Variants in ATP10B observed in about 807,000 individuals in gnomAD.
ATP10B encodes phospholipid-transporting ATPase VB.
In ATP10B, 122 loss-of-function variants were observed where a neutral mutation model predicts 141.2. The ratio of observed to expected loss-of-function variants is 0.86; its 90% CI spans 0.75 to 1.00. The LOEUF (loss-of-function observed/expected upper bound fraction) is 1.00, where lower values mean the gene tolerates loss of function less well. ATP10B is among the 50% of genes least tolerant of loss of function. The pLI is 0.00. For missense variants in ATP10B, 1,876 were observed against 1,825.3 expected, an observed-to-expected ratio of 1.03 and a Z score of -0.51; for synonymous variants, 685 against 692.0, an observed-to-expected ratio of 0.99 and a Z score of 0.16.
chr5:160,630,091 C>A (rs1314828188), intron 13 of ATP10B, among the ~76,000 whole-genome samples: 1 of 152,188 alleles, frequency 6.6e-6, no homozygotes, highest in Non-Finnish European at 1.5e-5. Flanking sequence ...GTTCCACTAA[C>A]CCCAGATTTT....
chr5:160,716,347 T>G (rs942569676), intron 3 of ATP10B, among the ~76,000 whole-genome samples: 2 of 152,308 alleles, frequency 1.3e-5, no homozygotes, highest in Non-Finnish European at 1.5e-5. Flanking sequence ...CAATATTAAT[T>G]CATATAACTC....
chr5:160,602,490 G>C, intron 21 of ATP10B, 87 bp downstream of exon 21: 1 of 1,567,164 alleles, frequency 6.4e-7, no homozygotes, highest in South Asian at 1.1e-5. Context: ...TTTATGCTGA[G>C]GTGCTTTGCC....
chr5:160,708,867 T>C (rs779283242), intron 3 of ATP10B, among the ~76,000 whole-genome samples: 1 of 152,154 alleles, frequency 6.6e-6, no homozygotes. Flanking sequence ...AATTATCTCG[T>C]GGATTAAAGA....
intron 19 of ATP10B, among the ~76,000 whole-genome samples, chr5:160,605,719 T>C (rs1757346272): frequency 6.6e-6 from 1 of 152,238 alleles, no homozygotes; most frequent in Non-Finnish European, 1.5e-5. Flanking sequence ...TCTTATCCCA[T>C]GCCTGTGTAG....
intron 6 of ATP10B, among the ~76,000 whole-genome samples, chr5:160,676,366 A>G (rs1763030080): frequency 6.6e-6 from 1 of 152,146 alleles, no homozygotes; most frequent in Admixed American, 6.5e-5. Context: ...TTGCCTCCCA[A>G]ATGCTCATCC....
Position 160,851,607 on chromosome 5 carries a change from CAT to C in ATP10B, c.-576+332_-576+333del, listed in dbSNP as rs1417665943. 3.3e-5 allele frequency among the ~76,000 whole-genome samples: 5 copies of C among 152,262 alleles called. 1 individual carries two copies. The highest frequency in any genetic ancestry group is 1.2e-4 in the African/African-American group (5 of 41,552). The stretch of plus-strand genomic sequence containing the variant: ...TGCTTTGAGAAGAAGGCTGTAACTC[CAT>C]CTGCTTCCTCAGGCTGCACTGGATG... On this transcript the variant is annotated intron_variant, in intron 1 of 25. Transcript: ENST00000327245.
chr5:160,814,031 T>G (rs1056802635), intron 1 of ATP10B, among the ~76,000 whole-genome samples: 3 of 151,680 alleles, frequency 2.0e-5, no homozygotes, highest in East Asian at 1.9e-4. Context: ...CAAAGATGGG[T>G]AAAAAACAGA....
intron 21 of ATP10B, among the ~76,000 whole-genome samples, chr5:160,601,096 A>G (rs1188398870): frequency 1.3e-5 from 2 of 152,248 alleles, no homozygotes; most frequent in Non-Finnish European, 2.9e-5. Flanking sequence ...CTAAATAAAC[A>G]GTCTTTCACT....
chr5:160,569,944 T>C (rs967327100), intron 24 of ATP10B, among the ~76,000 whole-genome samples: 1 of 152,186 alleles, frequency 6.6e-6, no homozygotes, highest in Non-Finnish European at 1.5e-5. Flanking sequence ...CCTTTGTAGG[T>C]TTACCACCTA....
chr5:160,829,195 C>T (rs913058014), intron 1 of ATP10B, among the ~76,000 whole-genome samples: 10 of 150,932 alleles, frequency 6.6e-5, no homozygotes, highest in African/African-American at 2.2e-4. Context: ...TACCCTAAAA[C>T]TTAAAGTATA....
intron 1 of ATP10B, among the ~76,000 whole-genome samples, chr5:160,843,439 G>A (rs992556179): frequency 5.3e-5 from 8 of 151,660 alleles, no homozygotes; most frequent in Admixed American, 3.3e-4. Flanking sequence ...TGCCTGCCTC[G>A]TTGATTTAGA....
chr5:160,670,767 A>T, intron 6 of ATP10B, 100 bp from the exon 7 acceptor site: 1 of 1,050,132 alleles, frequency 9.5e-7, no homozygotes, highest in Non-Finnish European at 1.4e-6. Context: ...ACTATCCACC[A>T]AGTCAGCCTG....
At chr5:160,715,137 C>A (rs1267399710) in intron 3 of ATP10B, among the ~76,000 whole-genome samples, 1 of 149,374 alleles carries the variant, frequency 6.7e-6, no homozygotes, top group Non-Finnish European at 1.5e-5. Context: ...CTGTGGTGGG[C>A]TCCACCAAGT....
At position 160,636,288 on chromosome 5, in the gene ATP10B, G is replaced by A. The variant is rs1418760158; in HGVS notation, c.1022C>T (p.Thr341Ile). Residue 341 changes from threonine to isoleucine, a missense_variant, in exon 11 of 26, where the codon ACC (threonine) becomes ATC (isoleucine). Coordinates refer to ENST00000327245, the MANE Select transcript of ATP10B (RefSeq NM_025153.3). ...ATCGAAGGGAGGGTGTTCTTCAAAG[G>A]TCCCATTCCAGATGCTGTGACCTGA... ...GAVGHSIWNG[T>I]FEEHPPFDVP... 3.1e-6 allele frequency: 5 copies of A among 1,613,036 alleles called. No individual in the cohort carries two copies. The East Asian group carries it at 8.9e-5, about 29-fold the overall frequency.
chr5:160,714,515 T>G, intron 3 of ATP10B, among the ~76,000 whole-genome samples: 1 of 63,946 alleles, frequency 1.6e-5, no homozygotes, highest in East Asian at 4.3e-4. Context: ...TATACATTCT[T>G]CTAAATTTTT....
chr5:160,715,800 C>T (rs1765608290), intron 3 of ATP10B, among the ~76,000 whole-genome samples: 1 of 151,754 alleles, frequency 6.6e-6, no homozygotes, highest in South Asian at 2.1e-4. Context: ...CAACCTTTGC[C>T]TCCTAGGTTC....
Position 160,653,348 on chromosome 5 carries a change from G to GTATATATACATAC in ATP10B, c.676-4093_676-4092insGTATGTATATATA, listed in dbSNP as rs1561703828. Among the ~76,000 whole-genome samples, 6 of 91,352 alleles carry GTATATATACATAC rather than the reference G, an allele frequency of 6.6e-5. 1 individual carries two copies. Among genetic ancestry groups the GTATATATACATAC allele is most frequent in the African/African-American group, 2.9e-4 (6 of 20,790 alleles). The allele number at this position is 91,352 out of a possible 152,430, so 59.9% of individuals were successfully genotyped here. On this transcript the variant is annotated intron_variant, in intron 7 of 25. Transcript: ENST00000327245. ...ATATACATACGTACATACATACATAGGTAGTATATATACATACGTACATAC... is the reference window on the plus strand; with the variant it reads ...ATATACATACGTACATACATACATAGTATATATACATACGTAGTATATATACATACGTACATAC...
At chr5:160,589,915 GATTGTGAAACC>G (rs1295552076) in intron 23 of ATP10B, among the ~76,000 whole-genome samples, 5 of 152,196 alleles carry the variant, frequency 3.3e-5, no homozygotes, top group Non-Finnish European at 7.3e-5. Context: ...CCAAGATGGG[GATTGTGAAACC>G]ATTGTGGAAT....
At chr5:160,802,788 T>C (rs1000952764) in intron 1 of ATP10B, among the ~76,000 whole-genome samples, 5 of 152,232 alleles carry the variant, frequency 3.3e-5, no homozygotes, top group African/African-American at 1.2e-4. Context: ...CGCTGCTGTG[T>C]CAGGATTCAA....
Sources: gnomAD v4.1 joint callset for allele counts (sites outside exome capture counted in the v4.1 genomes callset) on GRCh38, gnomAD v4.1.1 for gene constraint, MANE v1.5 for transcripts, NCBI Gene and HGNC (gene_info 2026-07-23, HGNC 2026-07-21) for gene names.